SFRP1: variants seen among roughly 807,000 people sequenced by gnomAD.
SFRP1 encodes the protein secreted frizzled related protein 1.
A neutral mutation model predicts 25.9 loss-of-function variants in SFRP1; 9 were observed. That is an observed-to-expected ratio of 0.35 (90% CI 0.21 to 0.61). SFRP1 has a LOEUF of 0.61. SFRP1 is among the 20% of genes least tolerant of loss of function. The pLI, the probability that SFRP1 is intolerant of heterozygous loss-of-function variation, is 0.78. For missense variants in SFRP1, 346 were observed against 418.2 expected, an observed-to-expected ratio of 0.83 and a Z score of 1.51; for synonymous variants, 178 against 174.0, an observed-to-expected ratio of 1.02 and a Z score of -0.18.
intron 2 of SFRP1, among the ~76,000 whole-genome samples, chr8:41,294,838 C>G (rs1244924230): frequency 6.6e-6 from 1 of 152,096 alleles, no homozygotes; most frequent in Non-Finnish European, 1.5e-5. Flanking sequence ...ACAAATGTCA[C>G]CTTCTCTCAG....
chr8:41,288,279 C>T (rs190965418), intron 2 of SFRP1, among the ~76,000 whole-genome samples: 11 of 152,124 alleles, frequency 7.2e-5, no homozygotes, highest in African/African-American at 2.7e-4. Flanking sequence ...ATCACTTGAA[C>T]CCAGGAGGCA....
intron 2 of SFRP1, among the ~76,000 whole-genome samples, chr8:41,266,064 G>A (rs189732685): frequency 9.1e-4 from 139 of 152,104 alleles, no homozygotes; most frequent in African/African-American, 3.2e-3. Context: ...TACTAAGGAG[G>A]CTGAGGCAGG....
intron 2 of SFRP1, 147 bp downstream of exon 2, chr8:41,303,314 C>T: frequency 1.5e-6 from 1 of 663,578 alleles, no homozygotes. Context: ...AGTCTCCCAT[C>T]TGCCTGAGAA....
chr8:41,290,154 CAT>C (rs565357890), intron 2 of SFRP1, among the ~76,000 whole-genome samples: 9 of 152,386 alleles, frequency 5.9e-5, no homozygotes, highest in South Asian at 2.1e-4. Flanking sequence ...CACAAACACA[CAT>C]GTGTGCACAG....
At chr8:41,299,662 CAAAAA>C (rs61141419) in intron 2 of SFRP1, among the ~76,000 whole-genome samples, 2 of 66,364 alleles carry the variant, frequency 3.0e-5, no homozygotes, top group Admixed American at 4.2e-4. Context: ...GACTTAGTCT[CAAAAA>C]AAAAAAAAAA....
At chr8:41,300,939 T>G (rs553882009) in intron 2 of SFRP1, among the ~76,000 whole-genome samples, 1 of 152,288 alleles carries the variant, frequency 6.6e-6, no homozygotes, top group South Asian at 2.1e-4. Flanking sequence ...TCATGTTTTT[T>G]TCCTGTTGGG....
Position 41,265,506 on chromosome 8 carries a change from CAG to C in SFRP1, c.623-19_623-18del. 1.3e-6 allele frequency: 2 copies of C among 1,569,104 alleles called. No homozygotes were observed. The highest frequency in any genetic ancestry group is 1.7e-6 in the Non-Finnish European group (2 of 1,160,860). On this transcript the variant is annotated intron_variant, in intron 2 of 2. Coordinates refer to ENST00000220772, the MANE Select transcript of SFRP1 (RefSeq NM_003012.5). ...TCCTCAGTGCTAGAGATGGAGAGGA[CAG>C]AAGAAGAGAAAAGAGGGTAAGAGAA...
rs151123550 is a variant in SFRP1 at position 41,273,361 on chromosome 8, C to T, written c.623-7872G>A. On this transcript the variant is annotated intron_variant, in intron 2 of 2. Transcript: ENST00000220772. ...AAACACTTAGCCAGGCATAGTGATG[C>T]GCACCTGTGGGCCGATCTACTCAGG... Among the ~76,000 whole-genome samples, 42 of 146,826 alleles carry T rather than the reference C, an allele frequency of 2.9e-4. 1 individual carries two copies. In the East Asian group the frequency reaches 7.2e-3, roughly 25 times the overall value.
intron 2 of SFRP1, among the ~76,000 whole-genome samples, chr8:41,280,215 G>A (rs948580437): frequency 3.3e-5 from 5 of 152,192 alleles, no homozygotes; most frequent in African/African-American, 1.2e-4. Flanking sequence ...GGGATGGTGC[G>A]GCAAAGCCCT....
intron 2 of SFRP1, among the ~76,000 whole-genome samples, chr8:41,279,096 T>C (rs7814043): frequency 0.19 from 28,608 of 151,708 alleles, 5,039 homozygotes; most frequent in African/African-American, 0.44. Flanking sequence ...TTCCTACCTC[T>C]CCTCCTCCCC....
intron 2 of SFRP1, among the ~76,000 whole-genome samples, chr8:41,289,214 CAG>C (rs1394682791): frequency 2.6e-5 from 4 of 152,296 alleles, no homozygotes; most frequent in African/African-American, 4.8e-5. Context: ...GAGCAAGTCA[CAG>C]AGTTTTTGCC....
chr8:41,268,847 A>G (rs1478107533), intron 2 of SFRP1, among the ~76,000 whole-genome samples: 1 of 152,164 alleles, frequency 6.6e-6, no homozygotes, highest in Non-Finnish European at 1.5e-5. Context: ...CCATCCCATC[A>G]TGCTCACAGG....
intron 2 of SFRP1, among the ~76,000 whole-genome samples, chr8:41,267,616 C>T (rs1803453343): frequency 6.6e-6 from 1 of 152,200 alleles, no homozygotes; most frequent in Non-Finnish European, 1.5e-5. Flanking sequence ...AAGCATGTGA[C>T]CTGCCAGAAC....
Position 41,262,219 on chromosome 8 carries a change from T to A in SFRP1, c.*2948A>T, listed in dbSNP as rs1010886592. On this transcript the variant is annotated 3_prime_UTR_variant, in exon 3 of 3. Coordinates refer to ENST00000220772, the MANE Select transcript of SFRP1 (RefSeq NM_003012.5). ...CTAGAGGAAACGGGAATTTCATCCATGTCCTGTGTATCTGCTGGCAACAGG... is the reference window on the plus strand; with the variant it reads ...CTAGAGGAAACGGGAATTTCATCCAAGTCCTGTGTATCTGCTGGCAACAGG... 1 of 152,300 alleles carries A rather than the reference T, an allele frequency of 6.6e-6. No individual in the cohort carries two copies. The highest frequency in any genetic ancestry group is 1.5e-5 in the Non-Finnish European group (1 of 68,026). The allele number at this position is 152,300 out of a possible 1,614,324, so 9.4% of individuals were successfully genotyped here.
intron 2 of SFRP1, among the ~76,000 whole-genome samples, chr8:41,295,549 C>T (rs1261425468): frequency 6.6e-6 from 1 of 150,404 alleles, no homozygotes; most frequent in Non-Finnish European, 1.5e-5. Context: ...AAAAAATTCA[C>T]TACAGTACCT....
intron 2 of SFRP1, among the ~76,000 whole-genome samples, chr8:41,280,020 G>A (rs183954423): frequency 1.3e-5 from 2 of 152,202 alleles, no homozygotes; most frequent in Non-Finnish European, 2.9e-5. Context: ...AGACAGAGGG[G>A]CCCTGGTGGC....
chr8:41,269,590 TCCCAAA>T (rs1803477837), intron 2 of SFRP1, among the ~76,000 whole-genome samples: 1 of 152,098 alleles, frequency 6.6e-6, no homozygotes, highest in Non-Finnish European at 1.5e-5. Context: ...TCACACACCA[TCCCAAA>T]CCCTCACATT....
intron 2 of SFRP1, among the ~76,000 whole-genome samples, chr8:41,287,535 G>A (rs1429687406): frequency 1.2e-4 from 18 of 152,178 alleles, no homozygotes; most frequent in Admixed American, 1.2e-3. Context: ...TCCCTCTTTA[G>A]GGGTGAGCCT....
chr8:41,269,616 C>T lies in SFRP1; in HGVS notation c.623-4127G>A, dbSNP rs1245416632. On this transcript the variant is annotated intron_variant, in intron 2 of 2. Coordinates refer to ENST00000220772, the MANE Select transcript of SFRP1 (RefSeq NM_003012.5). ...CCCAAACCCTCACATTCTTCAAAGC[C>T]GTCTCTTCCTCCTGACTCCCTGCTT... 7.9e-5 allele frequency among the ~76,000 whole-genome samples: 12 copies of T among 152,170 alleles called. No individual in the cohort carries two copies. In the East Asian group the frequency reaches 2.3e-3, roughly 29 times the overall value.
Sources: gnomAD v4.1 joint callset for allele counts (sites outside exome capture counted in the v4.1 genomes callset) on GRCh38, gnomAD v4.1.1 for gene constraint, MANE v1.5 for transcripts, NCBI Gene and HGNC (gene_info 2026-07-23, HGNC 2026-07-21) for gene names.